LRMDA: variants seen among roughly 807,000 people sequenced by gnomAD.
The protein encoded by LRMDA is leucine rich melanocyte differentiation associated.
Under a neutral mutation model 29.8 loss-of-function variants are expected in LRMDA, and 18 were observed. The observed-to-expected ratio is 0.60, with a 90% CI of 0.42 to 0.90. The LOEUF (loss-of-function observed/expected upper bound fraction) is 0.90, where lower values mean the gene tolerates loss of function less well. Ranked by LOEUF, LRMDA falls within the 40% of genes least tolerant of loss-of-function variation. LRMDA has a pLI of 0.00. For missense variants in LRMDA, 273 were observed against 273.9 expected (o/e 1.00, Z 0.02); for synonymous variants, 125 against 109.4 (o/e 1.14, Z -0.89).
intron 6 of LRMDA, among the ~76,000 whole-genome samples, chr10:76,399,909 A>T (rs988202253): frequency 3.3e-5 from 5 of 152,144 alleles, no homozygotes; most frequent in Admixed American, 3.3e-4. Context: ...CAGTCATCCT[A>T]CCATGATGTG....
intron 2 of LRMDA, among the ~76,000 whole-genome samples, chr10:75,969,575 G>T (rs539459656): frequency 1.2e-4 from 18 of 152,342 alleles, no homozygotes; most frequent in Admixed American, 6.5e-4. Context: ...ACAAGCTCAC[G>T]CTTATTATGA....
At chr10:75,657,667 A>G (rs530164885) in intron 2 of LRMDA, among the ~76,000 whole-genome samples, 22 of 152,160 alleles carry the variant, frequency 1.4e-4, no homozygotes, top group Non-Finnish European at 2.5e-4. Flanking sequence ...TTTTGAATAG[A>G]GGAGGCATAT....
chr10:75,935,271 A>G (rs1589258750), intron 2 of LRMDA, among the ~76,000 whole-genome samples: 1 of 152,320 alleles, frequency 6.6e-6, no homozygotes. Context: ...GCATAAATAA[A>G]TTTCAGCAAA....
intron 2 of LRMDA, among the ~76,000 whole-genome samples, chr10:75,711,694 T>C (rs1350503159): frequency 1.3e-5 from 2 of 152,112 alleles, no homozygotes; most frequent in African/African-American, 4.8e-5. Context: ...AAAAGAAATA[T>C]TTTATGAGTT....
At chr10:75,532,842 T>C (rs1018076272) in intron 2 of LRMDA, among the ~76,000 whole-genome samples, 1 of 152,132 alleles carries the variant, frequency 6.6e-6, no homozygotes, top group African/African-American at 2.4e-5. Flanking sequence ...AGCTCCGTGG[T>C]TGATCCTGAT....
intron 5 of LRMDA, among the ~76,000 whole-genome samples, chr10:76,115,992 G>C (rs1044972190): frequency 6.6e-6 from 1 of 152,186 alleles, no homozygotes; most frequent in African/African-American, 2.4e-5. Flanking sequence ...AGTACTGCCA[G>C]CTCAGACTTG....
intron 6 of LRMDA, among the ~76,000 whole-genome samples, chr10:76,424,424 A>G (rs1053206209): frequency 1.3e-5 from 2 of 152,190 alleles, no homozygotes; most frequent in Non-Finnish European, 2.9e-5. Context: ...CTGTAGTCCC[A>G]GCTACTTGGG....
At chr10:76,348,415 T>C (rs1841135229) in intron 6 of LRMDA, among the ~76,000 whole-genome samples, 1 of 152,214 alleles carries the variant, frequency 6.6e-6, no homozygotes, top group Admixed American at 6.5e-5. Context: ...AACCATAAAG[T>C]AAAAGTGCTT....
intron 2 of LRMDA, among the ~76,000 whole-genome samples, chr10:75,700,754 T>A (rs989988232): frequency 6.6e-6 from 1 of 151,808 alleles, no homozygotes; most frequent in Admixed American, 6.6e-5. Flanking sequence ...CAATATGTAT[T>A]TGTTGGATGG....
intron 5 of LRMDA, among the ~76,000 whole-genome samples, chr10:76,208,554 C>T (rs1040214946): frequency 6.6e-6 from 1 of 152,218 alleles, no homozygotes; most frequent in Non-Finnish European, 1.5e-5. Flanking sequence ...GATTCTACCC[C>T]AGAGCCTGGT....
chr10:75,878,371 A>G (rs973013304), intron 2 of LRMDA, among the ~76,000 whole-genome samples: 1 of 151,948 alleles, frequency 6.6e-6, no homozygotes, highest in African/African-American at 2.4e-5. Context: ...ATGGGGAGCC[A>G]GAAGGGGGGC....
intron 2 of LRMDA, among the ~76,000 whole-genome samples, chr10:75,475,151 T>G (rs1249912437): frequency 6.6e-6 from 1 of 152,184 alleles, no homozygotes; most frequent in Non-Finnish European, 1.5e-5. Flanking sequence ...TGGGGCCTGA[T>G]GCTGCACCCC....
rs367924867 is a variant in LRMDA at position 76,243,857 on chromosome 10, G to C, written c.517-80544G>C. Reference sequence around the variant, plus strand: ...CATCCTATCCCTGGGACCTGTGAATGTGACCTTCAGTGGAAAATGAGTTGT... The same window carrying C: ...CATCCTATCCCTGGGACCTGTGAATCTGACCTTCAGTGGAAAATGAGTTGT... On this transcript the variant is annotated intron_variant, in intron 5 of 6. Coordinates refer to ENST00000611255, the MANE Select transcript of LRMDA (RefSeq NM_001305581.2). Among the ~76,000 whole-genome samples the C allele has an allele frequency of 8.5e-5, 13 of 152,146 alleles. 1 individual carries two copies. The South Asian group carries it at 1.0e-3, about 12-fold the overall frequency.
At chr10:75,930,087 T>A (rs1430429093) in intron 2 of LRMDA, among the ~76,000 whole-genome samples, 1 of 152,226 alleles carries the variant, frequency 6.6e-6, no homozygotes, top group African/African-American at 2.4e-5. Context: ...AGGCTTTTAT[T>A]CTGAAGAAAA....
intron 5 of LRMDA, among the ~76,000 whole-genome samples, chr10:76,237,779 A>C (rs960185826): frequency 7.1e-6 from 1 of 140,386 alleles, no homozygotes; most frequent in African/African-American, 2.7e-5. Context: ...TAAAGGGACA[A>C]GAGTGCTTTT....
intron 5 of LRMDA, among the ~76,000 whole-genome samples, chr10:76,166,283 A>G (rs1850738965): frequency 6.6e-6 from 1 of 152,222 alleles, no homozygotes; most frequent in East Asian, 1.9e-4. Flanking sequence ...GTTCTTTGTT[A>G]AAATGGTACT....
At chr10:76,155,572 A>C (rs1298586702) in intron 5 of LRMDA, among the ~76,000 whole-genome samples, 1 of 152,168 alleles carries the variant, frequency 6.6e-6, no homozygotes, top group Non-Finnish European at 1.5e-5. Context: ...CCCCTGTGCA[A>C]CTTCCTATTT....
At chr10:75,693,600 C>T (rs1195644959) in intron 2 of LRMDA, among the ~76,000 whole-genome samples, 4 of 152,178 alleles carry the variant, frequency 2.6e-5, no homozygotes, top group Admixed American at 6.6e-5. Flanking sequence ...TCGATGGAGT[C>T]GTATGATGCC....
chr10:76,542,122 C>G (rs1241157733), intron 6 of LRMDA, among the ~76,000 whole-genome samples: 3 of 151,978 alleles, frequency 2.0e-5, no homozygotes, highest in African/African-American at 7.2e-5. Context: ...GAAGTCACAG[C>G]CATCTCATAG....
Sources: gnomAD v4.1 joint callset for allele counts (sites outside exome capture counted in the v4.1 genomes callset) on GRCh38, gnomAD v4.1.1 for gene constraint, MANE v1.5 for transcripts, NCBI Gene and HGNC (gene_info 2026-07-23, HGNC 2026-07-21) for gene names.